NUP160: variants seen among roughly 807,000 people sequenced by gnomAD.
NUP160 encodes the protein nucleoporin 160.
NUP160 carries 94 observed loss-of-function variants against 196.9 expected under a neutral mutation model. The ratio of observed to expected loss-of-function variants is 0.48; its 90% confidence interval spans 0.40 to 0.57. The LOEUF is 0.57. Among genes scored for constraint, NUP160 ranks in the 20% least tolerant of loss-of-function variants. NUP160 has a pLI of 0.00. For synonymous variants in NUP160, 605 were observed against 619.7 expected, an observed-to-expected ratio of 0.98 and a Z score of 0.35; for missense variants, 1,638 against 1,748.3, an observed-to-expected ratio of 0.94 and a Z score of 1.13.
At chr11:47,823,298 C>T (rs2135386227) in intron 7 of NUP160, among the ~76,000 whole-genome samples, 1 of 152,280 alleles carries the variant, frequency 6.6e-6, no homozygotes, top group East Asian at 1.9e-4. Context: ...TATAGAACTC[C>T]TTTCATCTTC....
In NUP160 at chr11:47,798,057, C is replaced by T. The variant is rs147712305; in HGVS notation, c.3104G>A (p.Arg1035Gln). Residue 1035 changes from arginine to glutamine, a missense_variant, in exon 26 of 36, where the codon CGG (arginine) becomes CAG (glutamine). This residue lies in a region of NUP160 where 1,345 missense variants were observed against 1,470.2 expected (regional missense o/e 0.91). Coordinates refer to ENST00000378460, the Ensembl canonical transcript of NUP160. ...TTCACAAAGAACTACCACCAACTGC[C>T]GTAAACAATCTAATTGCCTAGAAGG... 38 of 1,578,238 alleles carry T rather than the reference C, an allele frequency of 2.4e-5. 1 individual carries two copies. Among genetic ancestry groups the T allele is most frequent in the Admixed American group, 1.3e-4 (7 of 55,472 alleles).
chr11:47,824,748 TCCTA>T (rs1429599036), intron 7 of NUP160, among the ~76,000 whole-genome samples: 1 of 152,056 alleles, frequency 6.6e-6, no homozygotes, highest in Non-Finnish European at 1.5e-5. Context: ...CAAGCTATCT[TCCTA>T]CCTCAGCCTC....
chr11:47,821,835 T>C lies in NUP160; in HGVS notation c.1180-14A>G. 2 of 1,597,046 alleles carry C rather than the reference T, an allele frequency of 1.3e-6. No homozygotes were observed. Among genetic ancestry groups the C allele is most frequent in the Admixed American group, 1.7e-5 (1 of 59,512 alleles). ...AATCAGTGTCTCCTAGGAGGAAATG[T>C]GGGAAAAAAAGGGATAAAATAAGAA... On this transcript the variant is annotated splice_polypyrimidine_tract_variant and intron_variant, in intron 8 of 35. Coordinates refer to ENST00000378460, the Ensembl canonical transcript of NUP160.
At chr11:47,790,308 G>A (rs1452158119) in intron 29 of NUP160, among the ~76,000 whole-genome samples, 4 of 151,970 alleles carry the variant, frequency 2.6e-5, no homozygotes, top group Admixed American at 1.3e-4. Flanking sequence ...TGCCCAGGCT[G>A]GAGTGCAGTG....
intron 4 of NUP160, among the ~76,000 whole-genome samples, chr11:47,838,977 C>A (rs1463599583): frequency 2.0e-5 from 3 of 149,034 alleles, no homozygotes; most frequent in African/African-American, 7.4e-5. Context: ...GTACTCCAGC[C>A]TGGGCGACAG....
At chr11:47,803,488 A>T (rs2097675605) in exon 22 of NUP160, 1 of 1,612,556 alleles carries the variant, frequency 6.2e-7, no homozygotes, top group Admixed American at 1.7e-5. Context: ...ATAAATCGAC[A>T]GGAACCAACA....
chr11:47,802,072 A>G (rs1011426493), intron 22 of NUP160, 142 bp from the exon 23 acceptor site: 1 of 688,706 alleles, frequency 1.5e-6, no homozygotes, highest in Non-Finnish European at 2.4e-6. Context: ...TTTCTGACAC[A>G]TATGAATTCT....
chr11:47,790,724 A>G (rs986985861), intron 29 of NUP160, among the ~76,000 whole-genome samples: 1 of 152,164 alleles, frequency 6.6e-6, no homozygotes, highest in Non-Finnish European at 1.5e-5. Flanking sequence ...ACTGCATTGC[A>G]GCCTAGGCAA....
intron 29 of NUP160, among the ~76,000 whole-genome samples, chr11:47,791,025 CTTTT>C (rs1313635086): frequency 2.6e-5 from 4 of 152,028 alleles, no homozygotes; most frequent in Non-Finnish European, 4.4e-5. Flanking sequence ...ATAGATATGC[CTTTT>C]TTTATAGCAA....
At chr11:47,821,109 C>T (rs546324562) in intron 9 of NUP160, among the ~76,000 whole-genome samples, 65 of 151,998 alleles carry the variant, frequency 4.3e-4, no homozygotes, top group African/African-American at 1.5e-3. Context: ...ATAGTCTTAG[C>T]TTAGAAACAA....
chr11:47,782,278 C>A (rs2097661327), intron 34 of NUP160, among the ~76,000 whole-genome samples: 5 of 94,618 alleles, frequency 5.3e-5, no homozygotes, highest in South Asian at 3.6e-4. Context: ...GGCAACAGAG[C>A]AAAACTCAGT....
exon 18 of NUP160, chr11:47,808,439 A>G: frequency 6.2e-7 from 1 of 1,613,784 alleles, no homozygotes; most frequent in Non-Finnish European, 8.5e-7. Context: ...TCACTTCCCC[A>G]TTTAATGAGG....
chr11:47,816,773 C>T (rs1213338894), intron 11 of NUP160, among the ~76,000 whole-genome samples: 1 of 60,006 alleles, frequency 1.7e-5, no homozygotes, highest in Admixed American at 2.5e-4. Flanking sequence ...GAGACCCTGC[C>T]TCAAAGGGAA....
intron 9 of NUP160, chr11:47,820,052 A>G (rs1365146295): frequency 6.6e-6 from 1 of 152,448 alleles, no homozygotes; most frequent in African/African-American, 2.4e-5. Context: ...CTGGAGGGCA[A>G]TCATTCCCAG....
intron 7 of NUP160, among the ~76,000 whole-genome samples, chr11:47,831,706 G>A (rs1852076288): frequency 6.6e-6 from 1 of 151,546 alleles, no homozygotes; most frequent in South Asian, 2.1e-4. Context: ...AGCCAGGCAT[G>A]GTGGCATGCG....
At chr11:47,819,043 G>A (rs1200704871) in intron 10 of NUP160, among the ~76,000 whole-genome samples, 1 of 152,092 alleles carries the variant, frequency 6.6e-6, no homozygotes, top group East Asian at 1.9e-4. Context: ...GCCGGGCACG[G>A]TGGCTCACGA....
intron 11 of NUP160, among the ~76,000 whole-genome samples, chr11:47,816,939 C>T (rs1187927055): frequency 6.6e-6 from 1 of 151,534 alleles, no homozygotes; most frequent in African/African-American, 2.4e-5. Context: ...CCACTGCACC[C>T]AGCCAGAAGC....
chr11:47,840,257 C>G (rs552320567), intron 3 of NUP160, 121 bp downstream of exon 3: 15 of 922,854 alleles, frequency 1.6e-5, no homozygotes, highest in African/African-American at 1.1e-4. Flanking sequence ...TCAAAGTATG[C>G]TTGGTGAGGG....
rs540080800 is a variant in NUP160, at chr11:47,794,521, C to A, written c.3290-1575G>T. ...CAGTGGCTCACGCCTGTAATCCCAGCACTTTGGGAGGCAGAGGTGGGCAGA... is the reference window on the plus strand; with the variant it reads ...CAGTGGCTCACGCCTGTAATCCCAGAACTTTGGGAGGCAGAGGTGGGCAGA... On this transcript the variant is annotated intron_variant, in intron 27 of 35. Transcript: ENST00000378460. Among the ~76,000 whole-genome samples the A allele has an allele frequency of 7.9e-5, 12 of 152,254 alleles. No homozygotes were observed. The South Asian group carries it at 2.5e-3, about 31-fold the overall frequency.
Sources: allele counts gnomAD v4.1 joint callset (sites outside exome capture counted in the v4.1 genomes callset), GRCh38; gene constraint gnomAD v4.1.1; regional missense constraint gnomAD v4.1.1; transcripts MANE v1.5; gene names NCBI Gene and HGNC (gene_info 2026-07-23, HGNC 2026-07-21).